Variants in AFDN observed in about 807,000 individuals in gnomAD.
AFDN encodes the protein afadin.
Under a neutral mutation model 216.6 loss-of-function variants are expected in AFDN, and 68 were observed. That is an observed-to-expected ratio of 0.31 (90% CI 0.26 to 0.38). The LOEUF (loss-of-function observed/expected upper bound fraction) is 0.38. Among genes scored for constraint, AFDN ranks in the 10% least tolerant of loss-of-function variants. AFDN has a pLI of 1.00. For synonymous variants in AFDN, 868 were observed against 853.7 expected (o/e 1.02, Z -0.29); for missense variants, 2,136 against 2,342.0 (o/e 0.91, Z 1.82).
chr6:167,963,342 A>G lies in AFDN; in HGVS notation c.4968+775A>G, dbSNP rs986906615. 1.0e-4 allele frequency: 111 copies of G among 1,060,414 alleles called. No homozygotes were observed. In the Middle Eastern group the frequency reaches 1.3e-3, roughly 12 times the overall value. The allele number at this position is 1,060,414 out of a possible 1,614,324, so 65.7% of individuals were successfully genotyped here. On this transcript the variant is annotated intron_variant, in intron 31 of 33. Coordinates refer to ENST00000683244, the MANE Select transcript of AFDN (RefSeq NM_001386888.1). ...ACTGCGTGTTGCTCTGTGTGGTTTG[A>G]GAGAAGCTGCTCTTCTCTGTTACTT...
chr6:167,859,901 A>G (rs1278499944), intron 1 of AFDN, among the ~76,000 whole-genome samples: 1 of 151,900 alleles, frequency 6.6e-6, no homozygotes, highest in Non-Finnish European at 1.5e-5. Context: ...AATATTTCTC[A>G]GGGAAAAGTG....
At chr6:167,953,648 A>G (rs1476924500) in intron 30 of AFDN, among the ~76,000 whole-genome samples, 1 of 152,208 alleles carries the variant, frequency 6.6e-6, no homozygotes, top group Non-Finnish European at 1.5e-5. Context: ...ATTAATAGCT[A>G]TTTTACTTTA....
chr6:167,829,379 G>A (rs1463292853), intron 1 of AFDN, among the ~76,000 whole-genome samples: 2 of 151,918 alleles, frequency 1.3e-5, no homozygotes, highest in Non-Finnish European at 2.9e-5. Context: ...CTTAATATGA[G>A]TAATTCTCTC....
At chr6:167,917,298 A>T in intron 20 of AFDN, 66 bp downstream of exon 20, 14 of 1,371,256 alleles carry the variant, frequency 1.0e-5, no homozygotes, top group Non-Finnish European at 1.3e-5. Flanking sequence ...TTTGGATGAA[A>T]AAACAAAAGG....
intron 23 of AFDN, among the ~76,000 whole-genome samples, chr6:167,936,387 A>G (rs1196734982): frequency 6.6e-6 from 1 of 152,258 alleles, no homozygotes; most frequent in East Asian, 1.9e-4. Context: ...TAGTTGGAAA[A>G]GAAATAGAAT....
intron 22 of AFDN, chr6:167,923,338 A>C (rs1792063434): frequency 6.5e-6 from 1 of 154,398 alleles, no homozygotes; most frequent in African/African-American, 2.4e-5. Flanking sequence ...ATATATATCA[A>C]GCCATTTAGT....
intron 30 of AFDN, among the ~76,000 whole-genome samples, chr6:167,953,825 T>C (rs1796245251): frequency 6.6e-6 from 1 of 152,192 alleles, no homozygotes; most frequent in Non-Finnish European, 1.5e-5. Flanking sequence ...CTAAGGACGT[T>C]CATGGCCTTG....
At chr6:167,827,714 C>T (rs542365044) in intron 1 of AFDN, 23 of 152,204 alleles carry the variant, frequency 1.5e-4, no homozygotes, top group Non-Finnish European at 2.6e-4. Context: ...AACTTGCAGG[C>T]TGCCAGCTGG....
At chr6:167,925,397 G>A (rs139342132) in intron 23 of AFDN, among the ~76,000 whole-genome samples, 1 of 152,318 alleles carries the variant, frequency 6.6e-6, no homozygotes, top group African/African-American at 2.4e-5. Flanking sequence ...ACAGTGAGGA[G>A]AGAAAGCATT....
intron 20 of AFDN, among the ~76,000 whole-genome samples, chr6:167,918,352 T>C (rs911816198): frequency 1.6e-4 from 25 of 152,236 alleles, no homozygotes; most frequent in African/African-American, 6.0e-4. Flanking sequence ...CTTTTCCCTA[T>C]ATCATTAAAC....
chr6:167,918,686 A>G (rs768712705), intron 20 of AFDN, 49 bp from the exon 21 acceptor site: 2 of 1,567,444 alleles, frequency 1.3e-6, no homozygotes, highest in Non-Finnish European at 1.8e-6. Context: ...GGTCACATGC[A>G]CCAGGCAGTG....
chr6:167,868,311 T>C (rs9379294), intron 2 of AFDN, among the ~76,000 whole-genome samples: 81,597 of 151,984 alleles, frequency 0.54, 22,706 homozygotes, highest in African/African-American at 0.62. Flanking sequence ...CTCAAGAGGC[T>C]GAGGTTGGAG....
intron 13 of AFDN, among the ~76,000 whole-genome samples, chr6:167,910,352 G>C (rs1202551855): frequency 6.6e-6 from 1 of 152,218 alleles, no homozygotes; most frequent in Non-Finnish European, 1.5e-5. Context: ...AGATAGAAAT[G>C]AACCTAACTT....
chr6:167,896,873 C>T lies in AFDN; in HGVS notation c.1223-5C>T. On this transcript the variant is annotated splice_polypyrimidine_tract_variant and splice_region_variant and intron_variant, in intron 9 of 33. Transcript: ENST00000683244. ...AATAGAGCTGTCTTCCTTCTCTTCT[C>T]ACAGATGGTTCTGACTCTAGAGATA... is the stretch of plus-strand genomic sequence containing the variant. 1 of 1,593,112 alleles carries T rather than the reference C, an allele frequency of 6.3e-7. No individual in the cohort carries two copies. The highest frequency in any genetic ancestry group is 8.6e-7 in the Non-Finnish European group (1 of 1,161,970).
At chr6:167,866,320 C>T (rs1005251334) in intron 2 of AFDN, among the ~76,000 whole-genome samples, 1 of 152,272 alleles carries the variant, frequency 6.6e-6, no homozygotes, top group African/African-American at 2.4e-5. Flanking sequence ...CACCTTTGGG[C>T]TTAAAGTGCT....
intron 10 of AFDN, among the ~76,000 whole-genome samples, chr6:167,897,216 C>A (rs543350689): frequency 6.6e-6 from 1 of 152,302 alleles, no homozygotes; most frequent in South Asian, 2.1e-4. Context: ...GAAACTGCTT[C>A]CTTTTCTCTA....
intron 23 of AFDN, among the ~76,000 whole-genome samples, chr6:167,927,683 G>A (rs935609790): frequency 1.3e-5 from 2 of 152,130 alleles, no homozygotes; most frequent in African/African-American, 4.8e-5. Context: ...CAAGACGTGT[G>A]GGGTTCACCT....
intron 1 of AFDN, among the ~76,000 whole-genome samples, chr6:167,854,715 C>G (rs1348124494): frequency 2.6e-5 from 4 of 151,020 alleles, no homozygotes; most frequent in Non-Finnish European, 5.9e-5. Context: ...ACCTAAAAGT[C>G]TAGACTTTTT....
In AFDN at chr6:167,826,973, C is replaced by A. The variant is rs1052320050; in HGVS notation, c.-160C>A. On this transcript the variant is annotated 5_prime_UTR_variant, in exon 1 of 34. Coordinates refer to ENST00000683244, the MANE Select transcript of AFDN (RefSeq NM_001386888.1). ...CGCGGACTGAGCCCCAGGCGGAGGC[C>A]AAGTCGGAGGACGCGGCGCGGCCGC... The A allele has an allele frequency of 1.2e-3, 191 of 157,736 alleles. 1 individual carries two copies. Among genetic ancestry groups the A allele is most frequent in the Non-Finnish European group, 2.1e-3 (159 of 76,076 alleles). 9.8% of individuals were successfully genotyped at this position (157,736 alleles called of 1,614,324 possible).
Sources: allele counts gnomAD v4.1 joint callset (sites outside exome capture counted in the v4.1 genomes callset), GRCh38; gene constraint gnomAD v4.1.1; transcripts MANE v1.5; gene names NCBI Gene and HGNC (gene_info 2026-07-23, HGNC 2026-07-21).